The following FRMD6 variants were observed in gnomAD, a reference collection of about 807,000 sequenced individuals.
FRMD6 encodes the protein FERM domain-containing protein 6.
In FRMD6, 37 loss-of-function variants were observed where a neutral mutation model predicts 73.2. The observed-to-expected ratio is 0.51, with a 90% CI of 0.39 to 0.66. The LOEUF (loss-of-function observed/expected upper bound fraction) is 0.66, where lower values mean the gene tolerates loss of function less well. FRMD6 is among the 30% of genes least tolerant of loss of function. The pLI, the probability that FRMD6 is intolerant of heterozygous loss-of-function variation, is 0.00. For missense variants in FRMD6, 714 were observed against 780.5 expected (o/e 0.91, Z 1.02); for synonymous variants, 273 against 282.2 (o/e 0.97, Z 0.33).
At chr14:51,460,209 A>T in the FRMD6 span, among the ~76,000 whole-genome samples, 190 of 152,326 alleles carry the variant, frequency 1.2e-3, no homozygotes, top group African/African-American at 4.4e-3. Context: ...TTAGAAATAC[A>T]TTAAATAATT....
At chr14:51,584,882 T>C (rs536879860) in intron 2 of FRMD6, among the ~76,000 whole-genome samples, 2 of 152,356 alleles carry the variant, frequency 1.3e-5, no homozygotes, top group Admixed American at 1.3e-4. Context: ...TGGGCAAATT[T>C]AATTCTTTTT....
At chr14:51,656,237 T>G (rs1320475705) in intron 1 of FRMD6, among the ~76,000 whole-genome samples, 2 of 152,156 alleles carry the variant, frequency 1.3e-5, no homozygotes, top group Non-Finnish European at 2.9e-5. Context: ...CAAAGATGAA[T>G]TACAGAACAC....
intron 1 of FRMD6, among the ~76,000 whole-genome samples, chr14:51,494,647 A>G (rs1184241035): frequency 1.3e-5 from 2 of 152,164 alleles, no homozygotes; most frequent in South Asian, 2.1e-4. Flanking sequence ...GGCAACATCT[A>G]TCTAGGGTCA....
At chr14:51,516,924 A>C (rs1884668616) in intron 1 of FRMD6, among the ~76,000 whole-genome samples, 1 of 152,162 alleles carries the variant, frequency 6.6e-6, no homozygotes, top group African/African-American at 2.4e-5. Flanking sequence ...CCAATCTTTG[A>C]GTCAAGAGAT....
intron 2 of FRMD6, among the ~76,000 whole-genome samples, chr14:51,697,017 G>A (rs761890363): frequency 3.9e-5 from 6 of 152,136 alleles, no homozygotes; most frequent in Non-Finnish European, 8.8e-5. Context: ...AAGATAACAA[G>A]TGTTGACGAG....
chr14:51,486,721 AT>A (rs1882767779), upstream of FRMD6, among the ~76,000 whole-genome samples: 1 of 152,162 alleles, frequency 6.6e-6, no homozygotes, highest in African/African-American at 2.4e-5. Flanking sequence ...TGGATGAGAA[AT>A]TCTGGTTGTG....
chr14:51,646,811 C>T lies in FRMD6; in HGVS notation c.-146-42880C>T, dbSNP rs182823027. On this transcript the variant is annotated intron_variant, in intron 2 of 14. Transcript: ENST00000356218. ...CCCATGTTTATACATAATTCCTCAA[C>T]TATATTTTAGTTAGTAGCAGTATCC... Among the ~76,000 whole-genome samples, 110 of 151,830 alleles carry T rather than the reference C, an allele frequency of 7.2e-4. 1 individual carries two copies. The highest frequency in any genetic ancestry group is 5.9e-3 in the Admixed American group (90 of 15,244).
At chr14:51,430,533 G>T in the FRMD6 span, among the ~76,000 whole-genome samples, 90 of 151,760 alleles carry the variant, frequency 5.9e-4, no homozygotes, top group African/African-American at 2.0e-3. Flanking sequence ...GCATAATCTG[G>T]GGTAGAAGTT....
the FRMD6 span, among the ~76,000 whole-genome samples, chr14:51,397,358 A>G: frequency 6.6e-6 from 1 of 152,204 alleles, no homozygotes; most frequent in Non-Finnish European, 1.5e-5. Context: ...TAGGTGGAGA[A>G]GAAAAGGTTA....
chr14:51,593,216 GACTCTATA>G (rs1889501037), intron 2 of FRMD6, among the ~76,000 whole-genome samples: 1 of 152,166 alleles, frequency 6.6e-6, no homozygotes, highest in Non-Finnish European at 1.5e-5. Flanking sequence ...GTAGGCAAGG[GACTCTATA>G]ACACTGCCCC....
At chr14:51,559,139 A>G (rs1162109524) in intron 1 of FRMD6, among the ~76,000 whole-genome samples, 1 of 152,232 alleles carries the variant, frequency 6.6e-6, no homozygotes, top group African/African-American at 2.4e-5. Context: ...GCATATCAAC[A>G]TACCCCGGCA....
At chr14:51,525,016 G>C (rs1277462065) in intron 1 of FRMD6, among the ~76,000 whole-genome samples, 1 of 149,516 alleles carries the variant, frequency 6.7e-6, no homozygotes, top group Non-Finnish European at 1.5e-5. Context: ...TGTGTTGGGT[G>C]GGTGGGTGGG....
At chr14:51,439,135 A>T in the FRMD6 span, among the ~76,000 whole-genome samples, 1 of 152,240 alleles carries the variant, frequency 6.6e-6, no homozygotes, top group Admixed American at 6.5e-5. Flanking sequence ...AATCTGGTGA[A>T]ATTCAAAGCT....
rs368080333 is a variant in FRMD6 at position 51,625,487 on chromosome 14, G to GA, written c.-147+55084dup. Among the ~76,000 whole-genome samples, 1,208 of 150,672 alleles carry GA rather than the reference G, an allele frequency of 8.0e-3. 18 individuals are homozygous for GA. Among genetic ancestry groups the GA allele is most frequent in the African/African-American group, 0.028 (1,135 of 40,894 alleles). ...TTTTGTTGTTGTTGTTAATGATGGT[G>GA]AAAAAAACAGACATATTTCTACCCA... On this transcript the variant is annotated intron_variant, in intron 2 of 14. Coordinates refer to the FRMD6 transcript ENST00000356218.
the FRMD6 span, among the ~76,000 whole-genome samples, chr14:51,421,168 G>C: frequency 2.0e-5 from 3 of 152,170 alleles, no homozygotes; most frequent in African/African-American, 7.2e-5. Context: ...CAACTGTACT[G>C]TATGTGTGTT....
At chr14:51,712,666 T>C in intron 9 of FRMD6, 115 bp downstream of exon 9, 1 of 691,280 alleles carries the variant, frequency 1.4e-6, no homozygotes, top group Non-Finnish European at 2.5e-6. Context: ...CAAAAGCTGT[T>C]ATTTTTAAGA....
At chr14:51,403,094 G>A in the FRMD6 span, among the ~76,000 whole-genome samples, 1 of 152,116 alleles carries the variant, frequency 6.6e-6, no homozygotes, top group Non-Finnish European at 1.5e-5. Flanking sequence ...AGTATATGAT[G>A]CTTGATGGTA....
upstream of FRMD6, chr14:51,649,827 T>C (rs547804306): frequency 6.6e-6 from 1 of 152,198 alleles, no homozygotes; most frequent in Non-Finnish European, 1.5e-5. Flanking sequence ...GGTGTAATCA[T>C]AATTCACTGT....
the FRMD6 span, among the ~76,000 whole-genome samples, chr14:51,479,422 T>C: frequency 6.6e-6 from 1 of 152,226 alleles, no homozygotes; most frequent in Non-Finnish European, 1.5e-5. Context: ...AGCACTCTGC[T>C]AGCTGTGTAG....
Sources: gnomAD v4.1 joint callset for allele counts (sites outside exome capture counted in the v4.1 genomes callset) on GRCh38, gnomAD v4.1.1 for gene constraint, MANE v1.5 for transcripts, NCBI Gene and HGNC (gene_info 2026-07-23, HGNC 2026-07-21) for gene names.